POU2AF3: variants seen among roughly 807,000 people sequenced by gnomAD.
The protein encoded by POU2AF3 is cancer susceptibility candidate 13.
the POU2AF3 span, chr11:111,298,605 T>C: frequency 3.2e-6 from 4 of 1,246,580 alleles, no homozygotes; most frequent in Admixed American, 1.7e-4. Context: ...CGGCTGCTTC[T>C]CCTAGGGTCG....
chr11:111,308,699 T>A, the POU2AF3 span: 3 of 296,332 alleles, frequency 1.0e-5, no homozygotes, highest in Non-Finnish European at 1.8e-5. Flanking sequence ...ACAAATGCTG[T>A]CTCCTTTTTT....
the POU2AF3 span, among the ~76,000 whole-genome samples, chr11:111,305,199 A>G: frequency 6.6e-6 from 1 of 152,234 alleles, no homozygotes; most frequent in African/African-American, 2.4e-5. Context: ...ACTCTCTGCT[A>G]TATTGTCTCA....
chr11:111,298,824 A>AGGGGGGGGGC, the POU2AF3 span: 1 of 903,144 alleles, frequency 1.1e-6, no homozygotes, highest in Non-Finnish European at 1.4e-6. Flanking sequence ...CGCGTACCCC[A>AGGGGGGGGGC]GGCCCCCGCC....
At chr11:111,305,063 G>A in the POU2AF3 span, 1 of 809,622 alleles carries the variant, frequency 1.2e-6, no homozygotes, top group Admixed American at 4.3e-5. Context: ...TTGATTCAGG[G>A]GTTAAGATAG....
chr11:111,306,528 A>T, the POU2AF3 span: 1 of 1,550,340 alleles, frequency 6.5e-7, no homozygotes, highest in Admixed American at 2.0e-5. Context: ...TCAGACAGAG[A>T]TGCACCCGGA....
the POU2AF3 span, chr11:111,299,881 C>G: frequency 3.9e-6 from 2 of 508,420 alleles, no homozygotes; most frequent in Non-Finnish European, 6.1e-6. Flanking sequence ...GGGCCTGGCC[C>G]CTTTACTAGG....
the POU2AF3 span, chr11:111,306,500 G>A: frequency 6.5e-7 from 1 of 1,539,620 alleles, no homozygotes; most frequent in Non-Finnish European, 8.7e-7. Flanking sequence ...GCCTCGACCA[G>A]ATCTTTGATT....
the POU2AF3 span, chr11:111,300,745 G>T: frequency 2.2e-5 from 9 of 410,136 alleles, no homozygotes; most frequent in African/African-American, 1.4e-4. Flanking sequence ...GCCTTCCTCT[G>T]CTGTTCCTAT....
the POU2AF3 span, chr11:111,298,839 C>CA: frequency 8.7e-7 from 1 of 1,153,854 alleles, no homozygotes; most frequent in Non-Finnish European, 1.1e-6. Context: ...CCCGCCCGCC[C>CA]TCCCACGTAT....
At chr11:111,304,779 A>C in the POU2AF3 span, 6 of 261,192 alleles carry the variant, frequency 2.3e-5, no homozygotes, top group African/African-American at 1.4e-4. Flanking sequence ...TCAAACATTG[A>C]AAAAAAAAAA....
At chr11:111,308,174 G>T in the POU2AF3 span, 1 of 1,551,756 alleles carries the variant, frequency 6.4e-7, no homozygotes, top group Middle Eastern at 1.7e-4. Context: ...CAATTCCCCT[G>T]CTTCTCTGGA....
At chr11:111,306,074 A>G in the POU2AF3 span, among the ~76,000 whole-genome samples, 1 of 152,188 alleles carries the variant, frequency 6.6e-6, no homozygotes, top group Non-Finnish European at 1.5e-5. Flanking sequence ...CTGGATGTCC[A>G]TGGTTTTACA....
At chr11:111,307,930 C>A in the POU2AF3 span, 4 of 686,598 alleles carry the variant, frequency 5.8e-6, no homozygotes, top group African/African-American at 5.5e-5. Context: ...CTTCTGCAGA[C>A]TTGGGTTGGG....
the POU2AF3 span, among the ~76,000 whole-genome samples, chr11:111,302,370 G>A: frequency 6.6e-6 from 1 of 152,142 alleles, no homozygotes; most frequent in Non-Finnish European, 1.5e-5. Flanking sequence ...AATGCTTCTG[G>A]AGAAAAACAT....
the POU2AF3 span, among the ~76,000 whole-genome samples, chr11:111,303,207 C>T: frequency 1.3e-5 from 2 of 152,178 alleles, no homozygotes; most frequent in Non-Finnish European, 2.9e-5. Flanking sequence ...TTTTAAAAAA[C>T]TTATTTCAGC....
the POU2AF3 span, among the ~76,000 whole-genome samples, chr11:111,307,196 G>C: frequency 2.0e-3 from 305 of 151,924 alleles, 1 homozygote; most frequent in African/African-American, 7.1e-3. Context: ...AAATTAAATT[G>C]GTTGTTCTCG....
chr11:111,303,180 C>T, the POU2AF3 span, among the ~76,000 whole-genome samples: 2 of 152,158 alleles, frequency 1.3e-5, no homozygotes, highest in South Asian at 2.1e-4. Context: ...GTGTGTATGC[C>T]GGATTGGAAC....
At chr11:111,306,486 A>G in the POU2AF3 span, 2 of 1,518,322 alleles carry the variant, frequency 1.3e-6, no homozygotes, top group East Asian at 2.5e-5. Context: ...AGAAAACTCA[A>G]GCTGCCTCGA....
the POU2AF3 span, chr11:111,306,723 A>G: frequency 1.1e-6 from 1 of 879,304 alleles, no homozygotes; most frequent in East Asian, 2.7e-5. Context: ...TACAAAAACT[A>G]TCAGCAAGGA....
Sources: gnomAD v4.1 joint callset for allele counts (sites outside exome capture counted in the v4.1 genomes callset) on GRCh38, gnomAD v4.1.1 for gene constraint, MANE v1.5 for transcripts, NCBI Gene and HGNC (gene_info 2026-07-23, HGNC 2026-07-21) for gene names.